Variants in PREP observed in about 807,000 individuals in gnomAD.
PREP encodes prolyl endopeptidase, also known as dJ355L5.1 (prolyl endopeptidase).
A neutral mutation model predicts 87.6 loss-of-function variants in PREP; 29 were observed. The ratio of observed to expected loss-of-function variants is 0.33; its 90% CI spans 0.25 to 0.45. PREP has a LOEUF of 0.45. PREP is among the 20% of genes least tolerant of loss of function. The pLI is 1.00. For missense variants in PREP, 695 were observed against 886.5 expected, an observed-to-expected ratio of 0.78 and a Z score of 2.74; for synonymous variants, 337 against 328.6, an observed-to-expected ratio of 1.03 and a Z score of -0.28.
intron 2 of PREP, among the ~76,000 whole-genome samples, chr6:105,385,957 T>TA (rs1346653623): frequency 6.6e-6 from 1 of 152,004 alleles, no homozygotes; most frequent in Non-Finnish European, 1.5e-5. Context: ...CCACCTCTAC[T>TA]AAAAATACAA....
Position 105,328,994 on chromosome 6 carries a change from C to T in PREP, c.1048G>A (p.Val350Ile). The T allele has an allele frequency of 6.2e-7, 1 of 1,613,968 alleles. No individual in the cohort carries two copies. The highest frequency in any genetic ancestry group is 1.1e-5 in the South Asian group (1 of 91,066). ...WIACVRSNFL[V>I]LCYLHDVKNI... is the part of the protein sequence containing the mutation. ...TTGACGTCATGGAGGTAGCATAAGA[C>T]CAAGAAGTTGGACCTGACACAAGCT... The change falls in exon 9 of 15, where the codon GTC becomes ATC. Residue 350 changes from valine to isoleucine, a missense_variant. By Grantham distance (29) the Val-to-Ile change is conservative. Transcript: ENST00000652536.
At chr6:105,355,912 GTTCA>G (rs1484812194) in intron 6 of PREP, among the ~76,000 whole-genome samples, 5 of 151,950 alleles carry the variant, frequency 3.3e-5, no homozygotes, top group Non-Finnish European at 4.4e-5. Context: ...AGAGTATGTG[GTTCA>G]TTTTTATATT....
At chr6:105,385,871 C>T (rs1772980841) in intron 2 of PREP, among the ~76,000 whole-genome samples, 1 of 152,168 alleles carries the variant, frequency 6.6e-6, no homozygotes, top group Admixed American at 6.5e-5. Flanking sequence ...TCTGTAATCC[C>T]AGCACTTTAG....
intron 10 of PREP, among the ~76,000 whole-genome samples, chr6:105,301,596 AAG>A (rs1770540274): frequency 6.6e-6 from 1 of 152,208 alleles, no homozygotes; most frequent in Non-Finnish European, 1.5e-5. Context: ...AGAGGAGTTT[AAG>A]AGTCATCTTT....
Position 105,277,985 on chromosome 6 carries a change from A to C in PREP, c.*159T>G. 1 of 1,057,880 alleles carries C rather than the reference A, an allele frequency of 9.5e-7. No individual in the cohort carries two copies. Among genetic ancestry groups the C allele is most frequent in the East Asian group, 2.4e-5 (1 of 41,706 alleles). The allele number at this position is 1,057,880 out of a possible 1,614,324, so 65.5% of individuals were successfully genotyped here. On this transcript the variant is annotated 3_prime_UTR_variant, in exon 15 of 15. Transcript: ENST00000652536. ...GGCCTTGCTAAAAAGGAGAAGCCTA[A>C]AAAAGATAAAATTCCCACGGCAGTT...
At chr6:105,305,402 T>A (rs965136230) in intron 10 of PREP, among the ~76,000 whole-genome samples, 1 of 152,082 alleles carries the variant, frequency 6.6e-6, no homozygotes, top group African/African-American at 2.4e-5. Flanking sequence ...TCAACAGAAG[T>A]CCTAGAATCA....
rs76415548 is a variant in PREP at position 105,280,038 on chromosome 6, A to C, written c.1839-1600T>G. On this transcript the variant is annotated intron_variant, in intron 14 of 14. Transcript: ENST00000652536. ...AACTTTGTTTCCCCTTAGAGAATAGAGTTTAGTAAAGTATCCAGTTAAAAA... is the reference window on the plus strand; with the variant it reads ...AACTTTGTTTCCCCTTAGAGAATAGCGTTTAGTAAAGTATCCAGTTAAAAA... Among the ~76,000 whole-genome samples, 1,050 of 152,360 alleles carry C rather than the reference A, an allele frequency of 6.9e-3. 15 individuals carry two copies. Among genetic ancestry groups the C allele is most frequent in the African/African-American group, 0.024 (1,000 of 41,584 alleles).
At chr6:105,293,293 C>T (rs1296264236) in intron 10 of PREP, among the ~76,000 whole-genome samples, 1 of 152,058 alleles carries the variant, frequency 6.6e-6, no homozygotes, top group Non-Finnish European at 1.5e-5. Flanking sequence ...GTTAATCGCC[C>T]TAATTGAGAC....
chr6:105,342,374 G>C (rs896627385), intron 7 of PREP, among the ~76,000 whole-genome samples: 1 of 152,152 alleles, frequency 6.6e-6, no homozygotes, highest in African/African-American at 2.4e-5. Flanking sequence ...GTATTGATGG[G>C]ATGTATCTCA....
intron 2 of PREP, among the ~76,000 whole-genome samples, chr6:105,380,537 T>A (rs941303016): frequency 5.3e-5 from 8 of 152,094 alleles, no homozygotes; most frequent in African/African-American, 1.9e-4. Context: ...GCTGGGACAG[T>A]GGTTCGGGTG....
chr6:105,396,192 C>A (rs546960900), intron 2 of PREP, among the ~76,000 whole-genome samples: 1 of 152,018 alleles, frequency 6.6e-6, no homozygotes, highest in South Asian at 2.1e-4. Context: ...TCCATGAGAT[C>A]TTTGTCTTTC....
intron 2 of PREP, among the ~76,000 whole-genome samples, chr6:105,385,491 A>C (rs1193586986): frequency 3.3e-5 from 5 of 152,218 alleles, no homozygotes; most frequent in Non-Finnish European, 4.4e-5. Flanking sequence ...TAATTTACTA[A>C]GAAATACAAA....
intron 2 of PREP, among the ~76,000 whole-genome samples, chr6:105,385,069 T>C (rs1772950756): frequency 6.6e-6 from 1 of 152,140 alleles, no homozygotes; most frequent in African/African-American, 2.4e-5. Flanking sequence ...TGAGACTGGA[T>C]GACCATGAGC....
intron 7 of PREP, among the ~76,000 whole-genome samples, chr6:105,344,734 C>T (rs1009543200): frequency 5.3e-5 from 8 of 152,132 alleles, no homozygotes; most frequent in Non-Finnish European, 5.9e-5. Flanking sequence ...ATGTAAATGA[C>T]GAGTTAATGG....
intron 10 of PREP, among the ~76,000 whole-genome samples, chr6:105,310,078 T>C (rs1770730866): frequency 6.6e-6 from 1 of 152,188 alleles, no homozygotes; most frequent in Non-Finnish European, 1.5e-5. Context: ...AGCACAGCTG[T>C]ACAAGTTATT....
chr6:105,333,244 G>C, intron 8 of PREP, 70 bp downstream of exon 8: 1 of 1,412,204 alleles, frequency 7.1e-7, no homozygotes, highest in Non-Finnish European at 9.9e-7. Flanking sequence ...TAGAGAATGA[G>C]AGACGCACTA....
At chr6:105,344,526 T>C (rs1771748003) in intron 7 of PREP, among the ~76,000 whole-genome samples, 1 of 151,560 alleles carries the variant, frequency 6.6e-6, no homozygotes. Flanking sequence ...TCATGTCCTT[T>C]GTAGGGACAT....
At chr6:105,396,250 A>G (rs1773282738) in intron 2 of PREP, among the ~76,000 whole-genome samples, 1 of 152,218 alleles carries the variant, frequency 6.6e-6, no homozygotes, top group South Asian at 2.1e-4. Flanking sequence ...AAAAGTAAAA[A>G]CCATTAGGAA....
rs1231684155 is a variant in PREP, at chr6:105,276,426, C to A, written c.*1718G>T. Among the ~76,000 whole-genome samples, 2 of 152,232 alleles carry A rather than the reference C, an allele frequency of 1.3e-5. No individual in the cohort carries two copies. Among genetic ancestry groups the A allele is most frequent in the Non-Finnish European group, 2.9e-5 (2 of 68,038 alleles). Reference sequence around the variant, plus strand: ...TGTGCAACCTTGAAAATGCTCTGGACTCAGTGGGTCCAACTCAGCTATTTG... The same window carrying A: ...TGTGCAACCTTGAAAATGCTCTGGAATCAGTGGGTCCAACTCAGCTATTTG... On this transcript the variant is annotated 3_prime_UTR_variant, in exon 15 of 15. Coordinates refer to ENST00000652536, the MANE Select transcript of PREP (RefSeq NM_002726.5).
Sources: gnomAD v4.1 joint callset for allele counts (sites outside exome capture counted in the v4.1 genomes callset) on GRCh38, gnomAD v4.1.1 for gene constraint, MANE v1.5 for transcripts, NCBI Gene and HGNC (gene_info 2026-07-23, HGNC 2026-07-21) for gene names.